Variants in CACNA2D3 observed in about 807,000 individuals in gnomAD.
CACNA2D3 encodes voltage-dependent calcium channel subunit alpha-2/delta-3.
CACNA2D3 carries 60 observed loss-of-function variants against 160.6 expected under a neutral mutation model. The ratio of observed to expected loss-of-function variants is 0.37; its 90% CI spans 0.30 to 0.46. The LOEUF (loss-of-function observed/expected upper bound fraction) is 0.46. Among genes scored for constraint, CACNA2D3 ranks in the 20% least tolerant of loss-of-function variants. The pLI is 1.00. For missense variants in CACNA2D3, 1,205 were observed against 1,365.0 expected (o/e 0.88, Z 1.85); for synonymous variants, 558 against 492.9 (o/e 1.13, Z -1.75).
intron 2 of CACNA2D3, among the ~76,000 whole-genome samples, chr3:54,287,162 T>G (rs1703052967): frequency 6.6e-6 from 1 of 152,080 alleles, no homozygotes; most frequent in Non-Finnish European, 1.5e-5. Context: ...GACCCATCAG[T>G]GTGCTGTATT....
intron 11 of CACNA2D3, among the ~76,000 whole-genome samples, chr3:54,643,104 A>G (rs539268758): frequency 1.6e-4 from 19 of 121,692 alleles, no homozygotes; most frequent in Admixed American, 1.5e-3. Context: ...TTTCTACTGC[A>G]TGTGCCAGTA....
chr3:54,981,288 C>G (rs1397601843), intron 29 of CACNA2D3, among the ~76,000 whole-genome samples: 1 of 152,172 alleles, frequency 6.6e-6, no homozygotes, highest in Non-Finnish European at 1.5e-5. Flanking sequence ...CGCACTGTAT[C>G]TTAGAGTACC....
chr3:54,795,758 C>A (rs1702854509), intron 13 of CACNA2D3, among the ~76,000 whole-genome samples: 1 of 152,080 alleles, frequency 6.6e-6, no homozygotes, highest in Non-Finnish European at 1.5e-5. Flanking sequence ...ACTGATAAGA[C>A]CTGACTTTCT....
chr3:54,393,254 C>T (rs1281211001), intron 4 of CACNA2D3, among the ~76,000 whole-genome samples: 1 of 152,198 alleles, frequency 6.6e-6, no homozygotes, highest in Non-Finnish European at 1.5e-5. Context: ...ACTGGGGACT[C>T]CTACCGACCT....
intron 14 of CACNA2D3, among the ~76,000 whole-genome samples, chr3:54,823,354 A>G (rs1703683180): frequency 6.6e-6 from 1 of 152,074 alleles, no homozygotes; most frequent in African/African-American, 2.4e-5. Flanking sequence ...CAAAGTAAAA[A>G]CAATATTACA....
chr3:54,801,402 G>C (rs778122484), intron 13 of CACNA2D3, among the ~76,000 whole-genome samples: 1 of 152,100 alleles, frequency 6.6e-6, no homozygotes, highest in Non-Finnish European at 1.5e-5. Flanking sequence ...AGAGTATTTG[G>C]ACTGAAATGT....
At chr3:54,951,632 G>A (rs1038928029) in intron 27 of CACNA2D3, among the ~76,000 whole-genome samples, 1 of 151,892 alleles carries the variant, frequency 6.6e-6, no homozygotes, top group Non-Finnish European at 1.5e-5. Flanking sequence ...TCTGAGTCAG[G>A]CGTGCAGGGC....
chr3:54,918,767 C>A, intron 27 of CACNA2D3: 1 of 1,614,138 alleles, frequency 6.2e-7, no homozygotes, highest in Non-Finnish European at 8.5e-7. Context: ...GGCCACTGAG[C>A]CTGCGAGGAC....
intron 27 of CACNA2D3, among the ~76,000 whole-genome samples, chr3:54,934,051 A>T (rs561862712): frequency 7.9e-5 from 12 of 152,300 alleles, no homozygotes; most frequent in Admixed American, 2.0e-4. Context: ...GATAACAGGC[A>T]TGAGCCATTG....
At chr3:54,878,938 C>T (rs980374970) in intron 18 of CACNA2D3, 80 bp from the exon 19 acceptor site, 3 of 820,022 alleles carry the variant, frequency 3.7e-6, no homozygotes, top group Non-Finnish European at 5.8e-6. Flanking sequence ...GGAGGCTCCA[C>T]TGCACGCTGA....
intron 27 of CACNA2D3, chr3:54,925,125 A>G (rs769973256): frequency 1.9e-6 from 3 of 1,614,146 alleles, no homozygotes; most frequent in Non-Finnish European, 2.5e-6. Flanking sequence ...GCAGTCTACA[A>G]AATTTGTAGA....
intron 4 of CACNA2D3, among the ~76,000 whole-genome samples, chr3:54,441,110 A>C (rs904812870): frequency 3.9e-5 from 6 of 152,306 alleles, no homozygotes; most frequent in African/African-American, 7.2e-5. Context: ...CCAACAGTGT[A>C]AAAGTGTTCC....
chr3:54,822,795 C>CG (rs1703655589), intron 14 of CACNA2D3, among the ~76,000 whole-genome samples: 1 of 62,426 alleles, frequency 1.6e-5, no homozygotes, highest in Non-Finnish European at 3.2e-5. Context: ...TCTTTCCTTT[C>CG]TTTCTTTCTT....
intron 11 of CACNA2D3, among the ~76,000 whole-genome samples, chr3:54,743,376 C>T (rs1701690363): frequency 6.6e-6 from 1 of 152,160 alleles, no homozygotes; most frequent in African/African-American, 2.4e-5. Context: ...GTGAGGGGCA[C>T]TCCAGGTAGT....
intron 4 of CACNA2D3, among the ~76,000 whole-genome samples, chr3:54,488,000 A>C (rs1701043701): frequency 6.6e-6 from 1 of 152,176 alleles, no homozygotes; most frequent in African/African-American, 2.4e-5. Context: ...CTTCCTGTGG[A>C]GCCAGCATTT....
chr3:54,989,355 G>T (rs981841628), intron 31 of CACNA2D3, among the ~76,000 whole-genome samples: 6 of 152,148 alleles, frequency 3.9e-5, no homozygotes, highest in Non-Finnish European at 7.3e-5. Context: ...CAGTTGGCAT[G>T]AATCTAGAAC....
intron 14 of CACNA2D3, among the ~76,000 whole-genome samples, chr3:54,819,902 G>T (rs1210400392): frequency 6.6e-6 from 1 of 152,136 alleles, no homozygotes; most frequent in Non-Finnish European, 1.5e-5. Context: ...CCTTCTTCAT[G>T]TAGTCAGAAA....
chr3:54,650,891 C>CA (rs755504355), intron 11 of CACNA2D3, among the ~76,000 whole-genome samples: 2 of 152,194 alleles, frequency 1.3e-5, no homozygotes, highest in Non-Finnish European at 2.9e-5. Flanking sequence ...TGCTGAGTGT[C>CA]AGAGACTGTT....
chr3:54,868,903 C>T (rs1482778044), intron 17 of CACNA2D3, among the ~76,000 whole-genome samples: 1 of 152,180 alleles, frequency 6.6e-6, no homozygotes, highest in Non-Finnish European at 1.5e-5. Context: ...TTTTACTGTG[C>T]CTGGGAATGT....
Sources: allele counts gnomAD v4.1 joint callset (sites outside exome capture counted in the v4.1 genomes callset), GRCh38; gene constraint gnomAD v4.1.1; transcripts MANE v1.5; gene names NCBI Gene and HGNC (gene_info 2026-07-23, HGNC 2026-07-21).